CDH12: variants seen among roughly 807,000 people sequenced by gnomAD.
CDH12 encodes the protein cadherin 12.
A neutral mutation model predicts 74.1 loss-of-function variants in CDH12; 41 were observed. The ratio of observed to expected loss-of-function variants is 0.55; its 90% CI spans 0.43 to 0.72. The LOEUF (loss-of-function observed/expected upper bound fraction) is 0.72. Among genes scored for constraint, CDH12 ranks in the 30% least tolerant of loss-of-function variants. The pLI is 0.00. For synonymous variants in CDH12, 399 were observed against 355.0 expected (o/e 1.12, Z -1.39); for missense variants, 945 against 977.2 (o/e 0.97, Z 0.44).
At chr5:22,082,492 C>A (rs907502401) in intron 4 of CDH12, among the ~76,000 whole-genome samples, 2 of 152,034 alleles carry the variant, frequency 1.3e-5, no homozygotes, top group African/African-American at 4.8e-5. Context: ...ATACACATCC[C>A]AGGTGGGACA....
intron 3 of CDH12, among the ~76,000 whole-genome samples, chr5:22,381,043 A>C (rs1021508460): frequency 6.6e-6 from 1 of 152,120 alleles, no homozygotes. Flanking sequence ...GATAATAAAG[A>C]AAACAAATTA....
intron 1 of CDH12, among the ~76,000 whole-genome samples, chr5:22,683,806 G>A (rs1249869733): frequency 2.0e-5 from 3 of 152,148 alleles, no homozygotes; most frequent in African/African-American, 7.2e-5. Context: ...TTCCAACATT[G>A]TCCATGCTGT....
intron 1 of CDH12, among the ~76,000 whole-genome samples, chr5:22,786,505 G>A (rs1747632262): frequency 6.6e-6 from 1 of 152,170 alleles, no homozygotes; most frequent in African/African-American, 2.4e-5. Flanking sequence ...GTTGTGGCTG[G>A]TTTTTGCTTC....
chr5:22,329,026 A>G (rs2150443862), intron 3 of CDH12, among the ~76,000 whole-genome samples: 1 of 151,554 alleles, frequency 6.6e-6, no homozygotes, highest in East Asian at 1.9e-4. Flanking sequence ...ACAAGACAAG[A>G]GAAGAGAGAA....
chr5:22,425,172 A>AAATATATATATATATATACAT (rs1743866934), intron 2 of CDH12, among the ~76,000 whole-genome samples: 1 of 83,452 alleles, frequency 1.2e-5, no homozygotes, highest in African/African-American at 4.4e-5. Flanking sequence ...TATATATATA[A>AAATATATATATATATATACAT]ATATATATAT....
At chr5:22,533,789 A>T (rs977463478) in intron 1 of CDH12, among the ~76,000 whole-genome samples, 2 of 152,186 alleles carry the variant, frequency 1.3e-5, no homozygotes, top group Non-Finnish European at 2.9e-5. Context: ...GTAAAAACTA[A>T]ATGAAAGCTT....
chr5:22,274,025 T>A (rs144925330), intron 3 of CDH12, among the ~76,000 whole-genome samples: 1 of 152,242 alleles, frequency 6.6e-6, no homozygotes, highest in East Asian at 1.9e-4. Context: ...ATGAATACAA[T>A]AATGAAAATA....
chr5:21,759,401 G>A (rs911352849), intron 13 of CDH12, among the ~76,000 whole-genome samples: 1 of 151,288 alleles, frequency 6.6e-6, no homozygotes, highest in African/African-American at 2.4e-5. Context: ...TGCAAACCAT[G>A]TCTCTCCCTC....
At chr5:21,976,972 T>C (rs1204940627) in intron 5 of CDH12, among the ~76,000 whole-genome samples, 1 of 152,110 alleles carries the variant, frequency 6.6e-6, no homozygotes, top group East Asian at 1.9e-4. Context: ...TCTTTGCTCT[T>C]AAGCTCAAGA....
chr5:22,317,358 C>T (rs900498632), intron 3 of CDH12, among the ~76,000 whole-genome samples: 2 of 151,872 alleles, frequency 1.3e-5, no homozygotes, highest in African/African-American at 4.8e-5. Context: ...TATTTTATTA[C>T]AGATATTATT....
intron 11 of CDH12, among the ~76,000 whole-genome samples, chr5:21,776,788 G>A (rs1745614113): frequency 1.3e-5 from 2 of 152,120 alleles, no homozygotes; most frequent in South Asian, 4.1e-4. Flanking sequence ...TACGTCTTGT[G>A]TGTCTTAACT....
intron 1 of CDH12, among the ~76,000 whole-genome samples, chr5:22,715,717 C>T (rs955704887): frequency 7.9e-5 from 12 of 150,982 alleles, no homozygotes; most frequent in African/African-American, 2.7e-4. Context: ...AGGAGAATCG[C>T]TTGAACCCAG....
chr5:22,458,731 ACT>A (rs1028033878), intron 2 of CDH12, among the ~76,000 whole-genome samples: 32 of 152,162 alleles, frequency 2.1e-4, no homozygotes, highest in African/African-American at 7.2e-4. Flanking sequence ...TTTCAATAAC[ACT>A]CTATGAACTC....
At chr5:22,717,495 CAT>C (rs1485904754) in intron 1 of CDH12, among the ~76,000 whole-genome samples, 1 of 152,166 alleles carries the variant, frequency 6.6e-6, no homozygotes, top group Non-Finnish European at 1.5e-5. Flanking sequence ...TTTCTCAGAA[CAT>C]ATACCTCTCA....
chr5:22,332,250 C>T (rs1483439278), intron 3 of CDH12, among the ~76,000 whole-genome samples: 1 of 151,930 alleles, frequency 6.6e-6, no homozygotes, highest in Non-Finnish European at 1.5e-5. Flanking sequence ...AAGAAAATAT[C>T]CTAAAGTCAG....
At chr5:22,072,025 T>G (rs1217084282) in intron 5 of CDH12, among the ~76,000 whole-genome samples, 1 of 152,084 alleles carries the variant, frequency 6.6e-6, no homozygotes, top group Non-Finnish European at 1.5e-5. Context: ...AATATTCTAC[T>G]CTAATTTCCC....
chr5:21,888,091 G>A (rs1021943502), intron 6 of CDH12, among the ~76,000 whole-genome samples: 1 of 152,008 alleles, frequency 6.6e-6, no homozygotes, highest in South Asian at 2.1e-4. Flanking sequence ...TACATTAGCC[G>A]GGCCTGGGGT....
chr5:22,741,737 T>A (rs1220275015), intron 1 of CDH12, among the ~76,000 whole-genome samples: 1 of 152,160 alleles, frequency 6.6e-6, no homozygotes, highest in Non-Finnish European at 1.5e-5. Context: ...TACTACATGG[T>A]CAAGCATTGG....
intron 3 of CDH12, among the ~76,000 whole-genome samples, chr5:22,287,168 CA>C: frequency 6.6e-6 from 1 of 152,296 alleles, no homozygotes; most frequent in African/African-American, 2.4e-5. Context: ...ACATAAGACA[CA>C]ACAAACTTTG....
Sources: allele counts gnomAD v4.1 joint callset (sites outside exome capture counted in the v4.1 genomes callset), GRCh38; gene constraint gnomAD v4.1.1; transcripts MANE v1.5; gene names NCBI Gene and HGNC (gene_info 2026-07-23, HGNC 2026-07-21).